THRB: variants seen among roughly 807,000 people sequenced by gnomAD.
The protein encoded by THRB is thyroid hormone receptor beta, also known as nuclear receptor subfamily 1 group A member 2.
THRB carries 12 observed loss-of-function variants against 47.8 expected under a neutral mutation model. The observed-to-expected ratio is 0.25, with a 90% CI of 0.16 to 0.41. THRB has a LOEUF of 0.41. Ranked by LOEUF, THRB falls within the 10% of genes least tolerant of loss-of-function variation. THRB has a pLI of 1.00. For synonymous variants in THRB, 218 were observed against 212.2 expected, an observed-to-expected ratio of 1.03 and a Z score of -0.24; for missense variants, 348 against 589.2, an observed-to-expected ratio of 0.59 and a Z score of 4.24.
intron 1 of THRB, among the ~76,000 whole-genome samples, chr3:24,488,869 TTTAAA>T (rs1192858549): frequency 9.2e-5 from 14 of 152,232 alleles, no homozygotes; most frequent in African/African-American, 3.4e-4. Flanking sequence ...GTTAAGTTCC[TTTAAA>T]TTATTTTGCC....
At chr3:24,388,308 T>G (rs2066294348) in intron 1 of THRB, among the ~76,000 whole-genome samples, 1 of 152,092 alleles carries the variant, frequency 6.6e-6, no homozygotes, top group Non-Finnish European at 1.5e-5. Context: ...ACAGTCCAAC[T>G]TCTCCCTCTA....
At chr3:24,303,344 T>A (rs970683332) in intron 2 of THRB, among the ~76,000 whole-genome samples, 1 of 152,154 alleles carries the variant, frequency 6.6e-6, no homozygotes, top group African/African-American at 2.4e-5. Context: ...GCCTGAAAAG[T>A]GCTTCTCACA....
intron 4 of THRB, among the ~76,000 whole-genome samples, chr3:24,190,720 T>A (rs1439134469): frequency 1.3e-5 from 2 of 151,944 alleles, no homozygotes; most frequent in Non-Finnish European, 2.9e-5. Context: ...ACTTTTCAGA[T>A]CCTTAGGACA....
At chr3:24,250,290 G>C (rs984271640) in intron 3 of THRB, among the ~76,000 whole-genome samples, 1 of 152,136 alleles carries the variant, frequency 6.6e-6, no homozygotes, top group African/African-American at 2.4e-5. Flanking sequence ...ATAGCTCGCA[G>C]GTAGTATTGA....
intron 1 of THRB, among the ~76,000 whole-genome samples, chr3:24,464,709 C>G (rs2073991860): frequency 6.6e-6 from 1 of 152,076 alleles, no homozygotes; most frequent in African/African-American, 2.4e-5. Context: ...TTGTTTCTTT[C>G]CTGATCTCTA....
intron 1 of THRB, among the ~76,000 whole-genome samples, chr3:24,403,628 C>T (rs939701128): frequency 6.6e-5 from 10 of 151,914 alleles, no homozygotes; most frequent in Non-Finnish European, 1.3e-4. Flanking sequence ...TTATATGTCT[C>T]GCACCATACA....
intron 4 of THRB, among the ~76,000 whole-genome samples, chr3:24,214,980 C>T (rs987648384): frequency 6.6e-6 from 1 of 152,196 alleles, no homozygotes; most frequent in Non-Finnish European, 1.5e-5. Context: ...ACAACAGGAA[C>T]AATGGAAACA....
intron 3 of THRB, among the ~76,000 whole-genome samples, chr3:24,244,306 C>T (rs1559716756): frequency 6.6e-6 from 1 of 152,142 alleles, no homozygotes; most frequent in African/African-American, 2.4e-5. Context: ...AAGCATCATA[C>T]AGGGTGTTAA....
At chr3:24,240,462 G>C (rs4858596) in intron 3 of THRB, among the ~76,000 whole-genome samples, 1 of 152,102 alleles carries the variant, frequency 6.6e-6, no homozygotes, top group East Asian at 1.9e-4. Context: ...GAAATTACAC[G>C]GATGCCAACC....
chr3:24,320,173 T>C (rs1047360233), intron 2 of THRB, among the ~76,000 whole-genome samples: 23 of 152,060 alleles, frequency 1.5e-4, no homozygotes, highest in African/African-American at 5.3e-4. Flanking sequence ...AGAGAGAAAA[T>C]AAAGAAAAAC....
At chr3:24,191,918 T>C (rs145149962) in intron 4 of THRB, among the ~76,000 whole-genome samples, 1 of 152,350 alleles carries the variant, frequency 6.6e-6, no homozygotes, top group African/African-American at 2.4e-5. Context: ...CTTTTAAAAA[T>C]TGTACACTGT....
In THRB at chr3:24,121,020, T is replaced by G. The variant is rs1421756645; in HGVS notation, c.*1864A>C. 1 of 152,220 alleles carries G rather than the reference T, an allele frequency of 6.6e-6. No homozygotes were observed. Among genetic ancestry groups the G allele is most frequent in the Non-Finnish European group, 1.5e-5 (1 of 68,034 alleles). 9.4% of individuals were successfully genotyped at this position (152,220 alleles called of 1,614,324 possible). The stretch of plus-strand genomic sequence containing the variant: ...ATGGTTGACTAGTATTGTGTCAAAT[T>G]ATTATTTCGAGCCAATAACAAATTT... On this transcript the variant is annotated 3_prime_UTR_variant, in exon 11 of 11. Coordinates refer to ENST00000646209, the MANE Select transcript of THRB (RefSeq NM_001354712.2).
At chr3:24,218,447 A>T (rs1277216250) in intron 4 of THRB, among the ~76,000 whole-genome samples, 1 of 151,652 alleles carries the variant, frequency 6.6e-6, no homozygotes, top group Admixed American at 6.6e-5. Flanking sequence ...ACTAGTGAGA[A>T]GACATGAATT....
At chr3:24,404,317 C>T (rs996156700) in intron 1 of THRB, among the ~76,000 whole-genome samples, 4 of 151,924 alleles carry the variant, frequency 2.6e-5, no homozygotes, top group Non-Finnish European at 5.9e-5. Flanking sequence ...GGGTTTCAAA[C>T]TCCATATTGC....
chr3:24,356,872 C>A (rs2063708076), intron 1 of THRB, among the ~76,000 whole-genome samples: 1 of 152,130 alleles, frequency 6.6e-6, no homozygotes, highest in African/African-American at 2.4e-5. Flanking sequence ...TTCTCCCACC[C>A]TCCTGTCAGA....
chr3:24,465,933 T>C (rs925840356), intron 1 of THRB, among the ~76,000 whole-genome samples: 1 of 152,112 alleles, frequency 6.6e-6, no homozygotes, highest in Admixed American at 6.5e-5. Flanking sequence ...CTCTCCCATC[T>C]CCCCCTTCCA....
intron 3 of THRB, among the ~76,000 whole-genome samples, chr3:24,272,372 A>G (rs1485540720): frequency 1.0e-5 from 1 of 96,118 alleles, no homozygotes; most frequent in Admixed American, 9.5e-5. Flanking sequence ...CAACAACAAC[A>G]AACAAAAACA....
rs1054240039 is a variant in THRB at position 24,184,986 on chromosome 3, C to T, written c.283+5088G>A. On this transcript the variant is annotated intron_variant, in intron 5 of 10. Transcript: ENST00000646209. ...TGCACACAATGACTTGCATTTATGT[C>T]TCCAACTTTTAAGACACTTTGTTAT... Among the ~76,000 whole-genome samples, 7 of 151,576 alleles carry T rather than the reference C, an allele frequency of 4.6e-5. No homozygotes were observed. In the East Asian group the frequency reaches 1.3e-3, roughly 29 times the overall value.
intron 3 of THRB, 87 bp downstream of exon 3, chr3:24,297,139 G>C (rs1441958492): frequency 6.6e-6 from 1 of 152,240 alleles, no homozygotes; most frequent in Non-Finnish European, 1.5e-5. Context: ...AGAAGTGTAA[G>C]TGATGAGTGA....
Sources: gnomAD v4.1 joint callset for allele counts (sites outside exome capture counted in the v4.1 genomes callset) on GRCh38, gnomAD v4.1.1 for gene constraint, MANE v1.5 for transcripts, NCBI Gene and HGNC (gene_info 2026-07-23, HGNC 2026-07-21) for gene names.